The following FRMD4A variants were observed in gnomAD, a reference collection of about 807,000 sequenced individuals.
The protein encoded by FRMD4A is FERM domain containing 4A.
A neutral mutation model predicts 129.1 loss-of-function variants in FRMD4A; 29 were observed. The observed-to-expected ratio is 0.22, with a 90% confidence interval of 0.17 to 0.31. The LOEUF (loss-of-function observed/expected upper bound fraction) is 0.31. Among genes scored for constraint, FRMD4A ranks in the 10% least tolerant of loss-of-function variants. FRMD4A has a pLI of 1.00. For missense variants in FRMD4A, 1,272 were observed against 1,375.8 expected (o/e 0.92, Z 1.19); for synonymous variants, 634 against 571.6 (o/e 1.11, Z -1.56).
At chr10:14,184,129 T>TC (rs202145458) in intron 2 of FRMD4A, among the ~76,000 whole-genome samples, 5 of 43,654 alleles carry the variant, frequency 1.1e-4, no homozygotes, top group Admixed American at 2.2e-4. Context: ...TCTTTTCTTT[T>TC]TTTTTTTTTT....
At chr10:13,837,959 G>A (rs372992475) in intron 3 of FRMD4A, among the ~76,000 whole-genome samples, 91 of 152,322 alleles carry the variant, frequency 6.0e-4, no homozygotes, top group African/African-American at 2.2e-3. Flanking sequence ...TTAAGGGGAT[G>A]GAGGAAGAAA....
intron 12 of FRMD4A, among the ~76,000 whole-genome samples, chr10:13,709,979 C>T (rs1213244673): frequency 6.6e-6 from 1 of 152,100 alleles, no homozygotes; most frequent in Admixed American, 6.5e-5. Context: ...TGTGCCCATC[C>T]CCTGAGCAGT....
chr10:14,327,254 A>T (rs545912541), intron 2 of FRMD4A, among the ~76,000 whole-genome samples: 16 of 152,304 alleles, frequency 1.1e-4, no homozygotes, highest in Non-Finnish European at 1.6e-4. Context: ...ATAATATGAA[A>T]CATATCTGCC....
chr10:13,690,839 A>C (rs1301265427), intron 15 of FRMD4A, among the ~76,000 whole-genome samples: 5 of 152,114 alleles, frequency 3.3e-5, no homozygotes, highest in African/African-American at 1.2e-4. Flanking sequence ...TGGTATACCG[A>C]TGCTTATCTA....
chr10:13,808,596 G>A (rs975954432), intron 4 of FRMD4A, among the ~76,000 whole-genome samples: 5 of 152,292 alleles, frequency 3.3e-5, no homozygotes, highest in African/African-American at 1.2e-4. Context: ...GCATTGTACC[G>A]CCAGGACTGA....
chr10:14,057,034 T>C (rs1013670723), intron 2 of FRMD4A, among the ~76,000 whole-genome samples: 6 of 152,200 alleles, frequency 3.9e-5, no homozygotes, highest in Non-Finnish European at 8.8e-5. Context: ...CAATGTTCTG[T>C]ATCTCTTCTG....
chr10:14,078,759 T>G (rs1334446633), intron 2 of FRMD4A, among the ~76,000 whole-genome samples: 1 of 152,152 alleles, frequency 6.6e-6, no homozygotes, highest in South Asian at 2.1e-4. Context: ...CAAACTCAGG[T>G]CTCCTGGCTC....
chr10:13,918,336 C>T (rs2095032878), intron 2 of FRMD4A, among the ~76,000 whole-genome samples: 2 of 152,076 alleles, frequency 1.3e-5, no homozygotes, highest in South Asian at 2.1e-4. Context: ...CCATCTTAGC[C>T]CCCAGCTCTG....
chr10:13,952,012 G>A (rs567210750), intron 2 of FRMD4A, among the ~76,000 whole-genome samples: 36 of 150,564 alleles, frequency 2.4e-4, no homozygotes, highest in African/African-American at 8.7e-4. Context: ...TTCTTAAGAA[G>A]TTCTTTAAGA....
chr10:14,073,343 G>T (rs1386667528), intron 2 of FRMD4A, among the ~76,000 whole-genome samples: 1 of 152,132 alleles, frequency 6.6e-6, no homozygotes, highest in Admixed American at 6.5e-5. Context: ...AAGCTTCTTT[G>T]GTGGGAAGGG....
At position 14,199,774 on chromosome 10, in the gene FRMD4A, C is replaced by A. The variant is rs935077507; in HGVS notation, c.45+130284G>T. On this transcript the variant is annotated intron_variant, in intron 2 of 24. Transcript: ENST00000357447. Reference sequence around the variant, plus strand: ...TTAGTTTTAATCTTAATCTTTCATTCTTTTTTATATTGATGTGAATAAAAG... The same window carrying A: ...TTAGTTTTAATCTTAATCTTTCATTATTTTTTATATTGATGTGAATAAAAG... Among the ~76,000 whole-genome samples, 9 of 151,176 alleles carry A rather than the reference C, an allele frequency of 6.0e-5. 1 individual carries two copies. Among genetic ancestry groups the A allele is most frequent in the Admixed American group, 1.3e-4 (2 of 15,214 alleles).
chr10:13,688,703 ACTT>A (rs560229015), intron 15 of FRMD4A, among the ~76,000 whole-genome samples: 3 of 151,584 alleles, frequency 2.0e-5, no homozygotes, highest in African/African-American at 4.8e-5. Context: ...ATGGATATTG[ACTT>A]CTTTTTTATT....
chr10:13,883,909 G>A (rs1469083058), intron 2 of FRMD4A, among the ~76,000 whole-genome samples: 1 of 152,128 alleles, frequency 6.6e-6, no homozygotes, highest in Non-Finnish European at 1.5e-5. Flanking sequence ...TCTGCTGCCT[G>A]TGTGTGCCTG....
intron 2 of FRMD4A, among the ~76,000 whole-genome samples, chr10:14,094,291 T>C (rs1327588136): frequency 1.3e-5 from 2 of 152,114 alleles, no homozygotes; most frequent in Non-Finnish European, 2.9e-5. Flanking sequence ...AAAGGGTGCG[T>C]GGAATGATGA....
At chr10:14,061,044 A>G (rs1834785392) in intron 2 of FRMD4A, among the ~76,000 whole-genome samples, 1 of 152,174 alleles carries the variant, frequency 6.6e-6, no homozygotes, top group Non-Finnish European at 1.5e-5. Flanking sequence ...ACCAAAGGGC[A>G]GAGGATATAA....
chr10:13,874,088 A>G (rs1306744312), intron 2 of FRMD4A, among the ~76,000 whole-genome samples: 1 of 151,298 alleles, frequency 6.6e-6, no homozygotes, highest in African/African-American at 2.4e-5. Context: ...TCTACTAAAA[A>G]TACAAAAATT....
chr10:14,125,223 T>C (rs1256098446), intron 2 of FRMD4A, among the ~76,000 whole-genome samples: 1 of 152,212 alleles, frequency 6.6e-6, no homozygotes, highest in Admixed American at 6.5e-5. Context: ...GCCTCTCTGT[T>C]CTTGTAAGCA....
At position 13,693,683 on chromosome 10, in the gene FRMD4A, T is replaced by C. The variant is rs553490718; in HGVS notation, c.1117+215A>G. On this transcript the variant is annotated intron_variant, in intron 15 of 24. Coordinates refer to ENST00000357447, the MANE Select transcript of FRMD4A (RefSeq NM_018027.5). ...TTCTTGCACTGCGTGGTTCTACTGA[T>C]GCTTTTTTTTTTTTTTTTCCCTTCC... The C allele has an allele frequency of 2.2e-4, 152 of 686,714 alleles. 2 individuals carry two copies. The South Asian group carries it at 2.3e-3, about 10-fold the overall frequency. The allele number at this position is 686,714 out of a possible 1,614,324, so 42.5% of individuals were successfully genotyped here. A position where few individuals can be genotyped will look rare whatever the true frequency, so the allele number is the denominator to read the frequency against.
chr10:13,727,442 G>A (rs934836040), intron 12 of FRMD4A, among the ~76,000 whole-genome samples: 1 of 152,160 alleles, frequency 6.6e-6, no homozygotes, highest in Non-Finnish European at 1.5e-5. Context: ...ATGCTGGGGG[G>A]AGGGGGTAAG....
Sources: allele counts gnomAD v4.1 joint callset (sites outside exome capture counted in the v4.1 genomes callset), GRCh38; gene constraint gnomAD v4.1.1; transcripts MANE v1.5; gene names NCBI Gene and HGNC (gene_info 2026-07-23, HGNC 2026-07-21).